Variants in HPSE2 observed in about 807,000 individuals in gnomAD.
The protein encoded by HPSE2 is heparanase 2 (inactive).
A neutral mutation model predicts 60.5 loss-of-function variants in HPSE2; 38 were observed. That is an observed-to-expected ratio of 0.63 (90% confidence interval 0.48 to 0.82). The LOEUF is 0.82. HPSE2 is among the 40% of genes least tolerant of loss of function. The probability of loss-of-function intolerance (pLI) is 0.00; values close to 1 mark genes in which losing one functional copy is unlikely to be tolerated. For missense variants in HPSE2, 713 were observed against 740.4 expected (o/e 0.96, Z 0.43); for synonymous variants, 295 against 293.2 (o/e 1.01, Z -0.06).
chr10:98,719,781 A>G lies in HPSE2; in HGVS notation c.956+1876T>C, dbSNP rs556488913. 1.1e-3 allele frequency among the ~76,000 whole-genome samples: 170 copies of G among 151,750 alleles called. 3 individuals are homozygous for G. Among genetic ancestry groups the G allele is most frequent in the African/African-American group, 3.8e-3 (159 of 41,386 alleles). ...TTTGGGAGGCCGAGACGGGTGGATT[A>G]CCTGAGGTCAGGAGCTCAACACCAG... On this transcript the variant is annotated intron_variant, in intron 5 of 11. Coordinates refer to ENST00000370552, the MANE Select transcript of HPSE2 (RefSeq NM_021828.5).
chr10:98,744,004 C>A lies in HPSE2; in HGVS notation c.663G>T (p.Leu221=). 25 of 1,614,120 alleles carry A rather than the reference C, an allele frequency of 1.5e-5. No individual in the cohort carries two copies. Among genetic ancestry groups the A allele is most frequent in the Non-Finnish European group, 2.1e-5 (25 of 1,179,982 alleles). ...YNFADCSGLH[L]IFALNALRRN... ...GACGCAGTGCATTTAGAGCAAATAT[C>A]AGGTGGAGTCCAGAGCAATCAGCAA... Residue 221 remains leucine (L), a synonymous_variant, in exon 4 of 12, where the codon CTG becomes CTT. Transcript: ENST00000370552.
chr10:99,132,146 G>GAAGAAAGAAAGAAAGA (rs1199987336), intron 3 of HPSE2, among the ~76,000 whole-genome samples: 102 of 28,490 alleles, frequency 3.6e-3, no homozygotes, highest in Middle Eastern at 0.016. Flanking sequence ...AGAAAGAAAG[G>GAAGAAAGAAAGAAAGA]AAGAAAGAAA....
intron 9 of HPSE2, among the ~76,000 whole-genome samples, chr10:98,557,977 G>A (rs1268842150): frequency 6.6e-6 from 1 of 152,090 alleles, no homozygotes; most frequent in Admixed American, 6.6e-5. Flanking sequence ...ATAGAAAAAT[G>A]AATAAAACCC....
At chr10:98,607,957 A>T (rs889286287) in intron 9 of HPSE2, among the ~76,000 whole-genome samples, 1 of 152,234 alleles carries the variant, frequency 6.6e-6, no homozygotes, top group Admixed American at 6.5e-5. Context: ...GTGACTTTAT[A>T]AATAATAATA....
intron 3 of HPSE2, among the ~76,000 whole-genome samples, chr10:98,925,181 T>C (rs1299297632): frequency 2.0e-5 from 3 of 152,182 alleles, no homozygotes; most frequent in Non-Finnish European, 4.4e-5. Flanking sequence ...ACTGTGAATA[T>C]GACGTTAAAT....
chr10:98,690,680 T>A (rs1948056058), intron 6 of HPSE2, among the ~76,000 whole-genome samples: 1 of 151,300 alleles, frequency 6.6e-6, no homozygotes, highest in East Asian at 1.9e-4. Flanking sequence ...AGCCAGTGGT[T>A]TTTTTTTTAA....
the HPSE2 span, among the ~76,000 whole-genome samples, chr10:99,287,318 A>G: frequency 6.6e-6 from 1 of 152,060 alleles, no homozygotes; most frequent in South Asian, 2.1e-4. Context: ...GTGAAAGAAG[A>G]GAAGGAATGA....
intron 3 of HPSE2, among the ~76,000 whole-genome samples, chr10:98,976,970 C>T (rs1215547285): frequency 2.6e-5 from 4 of 151,988 alleles, no homozygotes; most frequent in Non-Finnish European, 5.9e-5. Flanking sequence ...GAGTGATGCA[C>T]CCACAAGCCA....
intron 3 of HPSE2, among the ~76,000 whole-genome samples, chr10:98,924,839 C>G (rs952906440): frequency 6.6e-6 from 1 of 152,130 alleles, no homozygotes; most frequent in Non-Finnish European, 1.5e-5. Context: ...TACCTAGGAC[C>G]CCAGAGCACT....
At chr10:99,274,649 CAA>C in the HPSE2 span, among the ~76,000 whole-genome samples, 2 of 152,112 alleles carry the variant, frequency 1.3e-5, no homozygotes, top group South Asian at 4.2e-4. Context: ...AATTCAACCA[CAA>C]AAAAGAGAGA....
At chr10:98,871,611 T>C (rs1952734296) in intron 3 of HPSE2, among the ~76,000 whole-genome samples, 1 of 152,088 alleles carries the variant, frequency 6.6e-6, no homozygotes, top group South Asian at 2.1e-4. Flanking sequence ...ATTAAATGAA[T>C]ATTTACTAAA....
chr10:98,989,902 G>T (rs1274244518), intron 3 of HPSE2, among the ~76,000 whole-genome samples: 1 of 152,090 alleles, frequency 6.6e-6, no homozygotes, highest in Non-Finnish European at 1.5e-5. Context: ...TCTCATCACT[G>T]AATTTTTCCT....
At chr10:98,621,411 T>G (rs1171681501) in intron 7 of HPSE2, among the ~76,000 whole-genome samples, 1 of 152,168 alleles carries the variant, frequency 6.6e-6, no homozygotes, top group Non-Finnish European at 1.5e-5. Flanking sequence ...CAGATCAGTG[T>G]GCAGATGCTT....
chr10:98,839,029 T>C lies in HPSE2; in HGVS notation c.611-94973A>G, dbSNP rs1011911142. 3.3e-5 allele frequency among the ~76,000 whole-genome samples: 5 copies of C among 152,262 alleles called. No individual in the cohort carries two copies. The East Asian group carries it at 7.7e-4, about 24-fold the overall frequency. On this transcript the variant is annotated intron_variant, in intron 3 of 11. Coordinates refer to ENST00000370552, the MANE Select transcript of HPSE2 (RefSeq NM_021828.5). Reference sequence around the variant, plus strand: ...AACTGTAATAGATCAGTTCTAGAAATAGGCCAGCAAAGAGTATGTGATTCA... The same window carrying C: ...AACTGTAATAGATCAGTTCTAGAAACAGGCCAGCAAAGAGTATGTGATTCA...
At chr10:99,112,337 TCACAC>T (rs1844494526) in intron 3 of HPSE2, among the ~76,000 whole-genome samples, 2 of 152,220 alleles carry the variant, frequency 1.3e-5, no homozygotes, top group African/African-American at 4.8e-5. Context: ...CCTCCTGGGT[TCACAC>T]CATTCTCCTG....
intron 2 of HPSE2, among the ~76,000 whole-genome samples, chr10:99,152,650 A>C (rs1014597680): frequency 6.6e-6 from 1 of 152,262 alleles, no homozygotes; most frequent in African/African-American, 2.4e-5. Flanking sequence ...ATTTATAAAA[A>C]TTAAGTTAAC....
chr10:98,674,230 G>A (rs1049628524), intron 6 of HPSE2, among the ~76,000 whole-genome samples: 2 of 152,158 alleles, frequency 1.3e-5, no homozygotes, highest in Non-Finnish European at 2.9e-5. Context: ...AAACACTAAT[G>A]TGCATGCAAG....
intron 3 of HPSE2, among the ~76,000 whole-genome samples, chr10:98,795,516 T>C: frequency 6.6e-6 from 1 of 152,220 alleles, no homozygotes; most frequent in East Asian, 1.9e-4. Flanking sequence ...ATCCTAGCAG[T>C]CAGAGCTTGA....
At chr10:99,308,611 C>T in the HPSE2 span, among the ~76,000 whole-genome samples, 2 of 152,186 alleles carry the variant, frequency 1.3e-5, no homozygotes, top group South Asian at 4.2e-4. Flanking sequence ...CCAGAGATAA[C>T]TTTGCCACAG....
Sources: allele counts gnomAD v4.1 joint callset (sites outside exome capture counted in the v4.1 genomes callset), GRCh38; gene constraint gnomAD v4.1.1; transcripts MANE v1.5; gene names NCBI Gene and HGNC (gene_info 2026-07-23, HGNC 2026-07-21).